RPTOR: variants seen among roughly 807,000 people sequenced by gnomAD.
RPTOR encodes the protein regulatory-associated protein of mTOR.
A neutral mutation model predicts 169.9 loss-of-function variants in RPTOR; 21 were observed. That is an observed-to-expected ratio of 0.12 (90% CI 0.09 to 0.18). The LOEUF (loss-of-function observed/expected upper bound fraction) is 0.18. RPTOR is among the 10% of genes least tolerant of loss of function. RPTOR has a pLI of 1.00. For missense variants in RPTOR, 1,133 were observed against 1,855.9 expected (o/e 0.61, Z 7.16); for synonymous variants, 732 against 753.2 (o/e 0.97, Z 0.46).
At chr17:80,912,704 C>T (rs928936554) in intron 21 of RPTOR, among the ~76,000 whole-genome samples, 1 of 152,142 alleles carries the variant, frequency 6.6e-6, no homozygotes, top group African/African-American at 2.4e-5. Context: ...CGGCCCGCCC[C>T]CCTCTCCCAC....
chr17:80,663,566 A>C (rs990159060), intron 3 of RPTOR, among the ~76,000 whole-genome samples: 10 of 152,172 alleles, frequency 6.6e-5, no homozygotes, highest in Admixed American at 5.2e-4. Context: ...CAAACAGTCC[A>C]CATTCCTGAA....
rs112466604 is a variant in RPTOR, at chr17:80,959,947, A to G, written c.3478-131A>G. On this transcript the variant is annotated intron_variant, in intron 29 of 33. Coordinates refer to ENST00000306801, the MANE Select transcript of RPTOR (RefSeq NM_020761.3). This position sits in a 1 kb window ranked among gnomAD's most constrained non-coding sequence, Gnocchi z 6.7. ...TTTGATGCTTCCCTGGATAGAGAGA[A>G]AGGCCCCTGCAGCCAGGGAGGGTGA... is the stretch of plus-strand genomic sequence containing the variant. 9.0e-7 allele frequency: 1 copy of G among 1,106,362 alleles called. No homozygotes were observed. Among genetic ancestry groups the G allele is most frequent in the Admixed American group, 2.1e-5 (1 of 48,528 alleles). 68.5% of individuals were successfully genotyped at this position (1,106,362 alleles called of 1,614,324 possible).
intron 9 of RPTOR, among the ~76,000 whole-genome samples, chr17:80,834,267 C>T (rs925278688): frequency 6.6e-6 from 1 of 152,240 alleles, no homozygotes; most frequent in Non-Finnish European, 1.5e-5. Flanking sequence ...CAGCGCTTGT[C>T]TTTCAGCGGT....
At chr17:80,771,743 T>G (rs73366835) in intron 6 of RPTOR, among the ~76,000 whole-genome samples, 41,385 of 151,826 alleles carry the variant, frequency 0.27, 5,814 homozygotes, top group African/African-American at 0.33. Context: ...TCTCCCAGGA[T>G]TTCTGAACCC....
At chr17:80,889,479 T>C (rs2068289452) in intron 17 of RPTOR, among the ~76,000 whole-genome samples, 1 of 152,130 alleles carries the variant, frequency 6.6e-6, no homozygotes, top group African/African-American at 2.4e-5. Flanking sequence ...GTGGAGCCCG[T>C]GGCCACTAAT....
intron 21 of RPTOR, among the ~76,000 whole-genome samples, chr17:80,922,299 A>G (rs969834534): frequency 3.3e-5 from 5 of 152,030 alleles, no homozygotes; most frequent in African/African-American, 9.7e-5. Context: ...TGTTGGGGAG[A>G]ATTGGACTCA....
chr17:80,816,199 C>G (rs2067321527), intron 7 of RPTOR, among the ~76,000 whole-genome samples: 1 of 152,266 alleles, frequency 6.6e-6, no homozygotes. Context: ...TAAGAGCCAT[C>G]AGCCTGTGTA....
intron 6 of RPTOR, among the ~76,000 whole-genome samples, chr17:80,790,784 A>C (rs2067039436): frequency 6.6e-6 from 1 of 152,222 alleles, no homozygotes; most frequent in East Asian, 1.9e-4. Flanking sequence ...TAGGTGAATT[A>C]AACATTTTGC....
At chr17:80,627,836 ATT>A (rs34155053) in intron 2 of RPTOR, among the ~76,000 whole-genome samples, 57 of 139,610 alleles carry the variant, frequency 4.1e-4, no homozygotes, top group Non-Finnish European at 4.8e-4. Context: ...GTATGTTTAA[ATT>A]TTTTTTTTTT....
At chr17:80,674,435 G>A (rs1427438970) in intron 3 of RPTOR, among the ~76,000 whole-genome samples, 1 of 152,144 alleles carries the variant, frequency 6.6e-6, no homozygotes, top group Admixed American at 6.5e-5. Flanking sequence ...AAATATCTAG[G>A]TGACCCTGTG....
intron 1 of RPTOR, among the ~76,000 whole-genome samples, chr17:80,557,291 G>A (rs948161881): frequency 2.0e-5 from 3 of 152,148 alleles, no homozygotes; most frequent in African/African-American, 7.2e-5. Context: ...AGGCTAAGGT[G>A]GGAGGATCAC....
chr17:80,762,447 G>A lies in RPTOR; in HGVS notation c.830+8262G>A, dbSNP rs575272935. 4.6e-5 allele frequency among the ~76,000 whole-genome samples: 7 copies of A among 152,266 alleles called. No homozygotes were observed. In the South Asian group the frequency reaches 6.2e-4, roughly 14 times the overall value. On this transcript the variant is annotated intron_variant, in intron 6 of 33. Transcript: ENST00000306801. The stretch of plus-strand genomic sequence containing the variant: ...GGTGCAGGCAAGGCTGAGGGCACTC[G>A]GCTCTCCTCCCACTGCCCTTGATAG...
chr17:80,862,868 A>T (rs2067935800), intron 13 of RPTOR, among the ~76,000 whole-genome samples: 1 of 152,126 alleles, frequency 6.6e-6, no homozygotes, highest in Non-Finnish European at 1.5e-5. Context: ...AGAGGTGCAG[A>T]CAGAAGCCAG....
chr17:80,908,695 G>A (rs901867767), intron 20 of RPTOR, 116 bp from the exon 21 acceptor site: 12 of 720,202 alleles, frequency 1.7e-5, no homozygotes, highest in Non-Finnish European at 2.4e-5. Context: ...CTGTAACCTC[G>A]GCTCTTTAAA....
intron 29 of RPTOR, among the ~76,000 whole-genome samples, chr17:80,958,369 G>A (rs1056742958): frequency 2.0e-4 from 30 of 150,152 alleles, no homozygotes; most frequent in African/African-American, 7.1e-4. Flanking sequence ...GGGATTATAG[G>A]TGTGAGCCGC....
At chr17:80,758,158 A>G (rs2143354261) in intron 6 of RPTOR, among the ~76,000 whole-genome samples, 1 of 152,330 alleles carries the variant, frequency 6.6e-6, no homozygotes, top group Middle Eastern at 3.4e-3. Flanking sequence ...CATGATTTCA[A>G]TGGATGCTTC....
chr17:80,548,960 C>T (rs1453123915), intron 1 of RPTOR, among the ~76,000 whole-genome samples: 3 of 152,172 alleles, frequency 2.0e-5, no homozygotes, highest in Non-Finnish European at 4.4e-5. Context: ...CTTACTGGCT[C>T]CTATTTAGTA....
chr17:80,934,393 C>T (rs2068931989), intron 24 of RPTOR, among the ~76,000 whole-genome samples: 1 of 152,180 alleles, frequency 6.6e-6, no homozygotes, highest in African/African-American at 2.4e-5. Context: ...GGGTCTCATT[C>T]TGTTGCCCAG....
rs539120963 is a variant in RPTOR at position 80,918,493 on chromosome 17, C to T, written c.2521-4231C>T. On this transcript the variant is annotated intron_variant, in intron 21 of 33. Transcript: ENST00000306801. ...CCGGAGTCATAGCCACGAGCACCCT[C>T]GCGGGGGTCATAGCCATGAGCACCC... is the stretch of plus-strand genomic sequence containing the variant. 3.0e-5 allele frequency among the ~76,000 whole-genome samples: 3 copies of T among 98,582 alleles called. No individual in the cohort carries two copies. In the East Asian group the frequency reaches 7.3e-4, roughly 24 times the overall value. 64.7% of individuals were successfully genotyped at this position (98,582 alleles called of 152,430 possible). A position where few individuals can be genotyped will look rare whatever the true frequency, so the allele number is the denominator to read the frequency against.
Sources: allele counts gnomAD v4.1 joint callset (sites outside exome capture counted in the v4.1 genomes callset), GRCh38; gene constraint gnomAD v4.1.1; non-coding constraint Gnocchi (gnomAD v3.1); transcripts MANE v1.5; gene names NCBI Gene and HGNC (gene_info 2026-07-23, HGNC 2026-07-21).